The following TSNAXIP1 variants were observed in gnomAD, a reference collection of about 807,000 sequenced individuals.
TSNAXIP1 encodes translin-associated factor X-interacting protein 1.
TSNAXIP1 carries 89 observed loss-of-function variants against 84.8 expected under a neutral mutation model. The observed-to-expected ratio is 1.05, with a 90% CI of 0.88 to 1.25. The LOEUF (loss-of-function observed/expected upper bound fraction) is 1.25. Among genes scored for constraint, TSNAXIP1 ranks in the 50% most tolerant of loss-of-function variants. TSNAXIP1 has a pLI of 0.00. For missense variants in TSNAXIP1, 874 were observed against 887.6 expected (o/e 0.98, Z 0.20); for synonymous variants, 347 against 335.2 (o/e 1.04, Z -0.39).
At chr16:67,822,917 C>G (rs1053925580) in intron 4 of TSNAXIP1, among the ~76,000 whole-genome samples, 2 of 152,202 alleles carry the variant, frequency 1.3e-5, no homozygotes, top group African/African-American at 4.8e-5. Flanking sequence ...CACACCCCTA[C>G]TTGCATGTCA....
At position 67,807,098 on chromosome 16, in the gene TSNAXIP1, C is replaced by T; in HGVS notation, c.-52C>T. The T allele has an allele frequency of 2.0e-6, 3 of 1,531,614 alleles. No individual in the cohort carries two copies. Among genetic ancestry groups the T allele is most frequent in the East Asian group, 2.5e-5 (1 of 40,792 alleles). The allele number at this position is 1,531,614 out of a possible 1,614,324, so 94.9% of individuals were successfully genotyped here. A position where few individuals can be genotyped will look rare whatever the true frequency, so the allele number is the denominator to read the frequency against. On this transcript the variant is annotated 5_prime_UTR_variant, in exon 1 of 16. Transcript: ENST00000561639. ...GGTCGCCATGGCGACCGGCTGTACG[C>T]TACCACAGCTTCCCAGGCCGCGGGT... is the stretch of plus-strand genomic sequence containing the variant.
chr16:67,827,402 C>G, intron 14 of TSNAXIP1, 27 bp downstream of exon 14: 1 of 1,614,022 alleles, frequency 6.2e-7, no homozygotes, highest in Non-Finnish European at 8.5e-7. Context: ...CGGGGACTGG[C>G]CTGGCCCCTG....
At position 67,820,945 on chromosome 16, in the gene TSNAXIP1, G is replaced by A. The variant is rs199807267; in HGVS notation, c.254G>A (p.Arg85Gln). ...RKPCSDDYRK[R>Q]VGSCQQHPFR... The stretch of plus-strand genomic sequence containing the variant: ...CCCTGTTCAGATGACTACCGGAAGC[G>A]AGTAGGGTAAGCCAGGGTCAGTCCC... Residue 85 changes from arginine (R) to glutamine (Q), a missense_variant, in exon 3 of 16, where the codon CGA becomes CAA. By Grantham distance (43) the Arg-to-Gln change is conservative. Transcript: ENST00000561639. 76 of 1,599,164 alleles carry A rather than the reference G, an allele frequency of 4.8e-5. No homozygotes were observed. Among genetic ancestry groups the A allele is most frequent in the Admixed American group, 6.9e-5 (4 of 57,908 alleles).
chr16:67,807,375 C>G (rs1399343871), intron 1 of TSNAXIP1, 179 bp downstream of exon 1: 1 of 1,530,988 alleles, frequency 6.5e-7, no homozygotes, highest in Non-Finnish European at 8.7e-7. Context: ...ACGTTACGTG[C>G]TAGCAAAACG....
At chr16:67,808,595 G>A (rs552676087) in intron 1 of TSNAXIP1, among the ~76,000 whole-genome samples, 6 of 150,042 alleles carry the variant, frequency 4.0e-5, no homozygotes, top group African/African-American at 1.2e-4. Context: ...AAATTTAGCC[G>A]GGCATGGTGG....
At chr16:67,818,485 C>G (rs141771505) in intron 2 of TSNAXIP1, among the ~76,000 whole-genome samples, 1 of 152,070 alleles carries the variant, frequency 6.6e-6, no homozygotes, top group Non-Finnish European at 1.5e-5. Context: ...TCACTGCACT[C>G]CAGCCTGGGT....
rs2151280041 is a variant in TSNAXIP1, at chr16:67,827,907, G to A, written c.2053G>A (p.Val685Met). 1.2e-6 allele frequency: 2 copies of A among 1,614,064 alleles called. No individual in the cohort carries two copies. The highest frequency in any genetic ancestry group is 8.5e-7 in the Non-Finnish European group (1 of 1,180,034). Residue 685 changes from valine to methionine, a missense_variant, in exon 16 of 16, where the codon GTG (valine) becomes ATG (methionine). Coordinates refer to ENST00000561639, the MANE Select transcript of TSNAXIP1 (RefSeq NM_001288990.3). Reference sequence around the variant, plus strand: ...GGGTGACGAGAAGGAAGAAGCCGTGGTGGAAATCCTCCAGACTGCCCTGGA... The same window carrying A: ...GGGTGACGAGAAGGAAGAAGCCGTGATGGAAATCCTCCAGACTGCCCTGGA... ...EEGDEKEEAV[V>M]EILQTALERL...
At chr16:67,807,221 A>T in intron 1 of TSNAXIP1, 25 bp downstream of exon 1, 1 of 1,536,020 alleles carries the variant, frequency 6.5e-7, no homozygotes, top group Non-Finnish European at 8.7e-7. Context: ...GGATGAGGGC[A>T]GAGATGAGGG....
In TSNAXIP1 at chr16:67,826,134, C is replaced by T; in HGVS notation, c.1145-18C>T. On this transcript the variant is annotated intron_variant, in intron 9 of 15. Transcript: ENST00000561639. Reference sequence around the variant, plus strand: ...TTACATGTGGGCCCAGACTCCAGCTCCCTCTCCCCACATGCAGATGTGGTG... The same window carrying T: ...TTACATGTGGGCCCAGACTCCAGCTTCCTCTCCCCACATGCAGATGTGGTG... The T allele has an allele frequency of 6.2e-7, 1 of 1,613,196 alleles. No homozygotes were observed. Among genetic ancestry groups the T allele is most frequent in the Non-Finnish European group, 8.5e-7 (1 of 1,179,534 alleles).
chr16:67,825,659 C>T lies in TSNAXIP1; in HGVS notation c.815-8C>T, dbSNP rs1306338293. 2 of 1,604,784 alleles carry T rather than the reference C, an allele frequency of 1.2e-6. No individual in the cohort carries two copies. The highest frequency in any genetic ancestry group is 1.7e-6 in the Non-Finnish European group (2 of 1,173,806). ...TGACACGGGCTGGTGGGCCCCTTCCCCTGGCAGGCATCTGGGGGGAGGACC... is the reference window on the plus strand; with the variant it reads ...TGACACGGGCTGGTGGGCCCCTTCCTCTGGCAGGCATCTGGGGGGAGGACC... On this transcript the variant is annotated splice_polypyrimidine_tract_variant and splice_region_variant and intron_variant, in intron 7 of 15. Coordinates refer to ENST00000561639, the MANE Select transcript of TSNAXIP1 (RefSeq NM_001288990.3).
chr16:67,827,781 C>T lies in TSNAXIP1; in HGVS notation c.1927C>T (p.Arg643Ter), dbSNP rs757884857. ...TGAGGAAGTGACTCTGCCCAAGCTG[C>T]GAGGGGGCCTGATGACCATCGACCC... Reference protein sequence around the residue: ...LHEEVTLPKLRGGLMTIDPSL... With the variant: ...LHEEVTLPKL Residue 643 changes from arginine to a stop codon, truncating the protein, a stop_gained, in exon 16 of 16, where the codon CGA (arginine) becomes TGA (stop). Coordinates refer to ENST00000561639, the MANE Select transcript of TSNAXIP1 (RefSeq NM_001288990.3). LOFTEE classifies it low-confidence loss of function (END_TRUNC). 1.2e-5 allele frequency: 20 copies of T among 1,613,924 alleles called. 1 individual carries two copies. The highest frequency in any genetic ancestry group is 1.1e-4 in the East Asian group (5 of 44,882).
chr16:67,816,115 G>T (rs1365858993), intron 2 of TSNAXIP1, among the ~76,000 whole-genome samples: 3 of 151,544 alleles, frequency 2.0e-5, no homozygotes, highest in Non-Finnish European at 4.4e-5. Flanking sequence ...ACAGACGCCC[G>T]CCAACACACC....
At chr16:67,811,436 C>G (rs183806181) in intron 1 of TSNAXIP1, among the ~76,000 whole-genome samples, 2 of 101,980 alleles carry the variant, frequency 2.0e-5, no homozygotes, top group African/African-American at 4.4e-5. Context: ...ATTGATTAGT[C>G]TTTTTTTTTT....
chr16:67,812,313 A>T (rs2056155830), intron 1 of TSNAXIP1, among the ~76,000 whole-genome samples: 1 of 152,126 alleles, frequency 6.6e-6, no homozygotes, highest in Admixed American at 6.6e-5. Flanking sequence ...CATAATGAAC[A>T]TCTATGCAGT....
At chr16:67,819,143 C>A (rs917754910) in intron 2 of TSNAXIP1, among the ~76,000 whole-genome samples, 1 of 151,992 alleles carries the variant, frequency 6.6e-6, no homozygotes, top group Non-Finnish European at 1.5e-5. Context: ...GTACTGCACT[C>A]CAGCTTGGGC....
chr16:67,827,436 C>T, intron 14 of TSNAXIP1, 37 bp from the exon 15 acceptor site: 1 of 1,614,032 alleles, frequency 6.2e-7, no homozygotes, highest in East Asian at 2.2e-5. Context: ...TGGACCCTAC[C>T]CAATGTGCCC....
chr16:67,822,341 G>A (rs1290251348), intron 4 of TSNAXIP1, among the ~76,000 whole-genome samples: 1 of 151,166 alleles, frequency 6.6e-6, no homozygotes, highest in Non-Finnish European at 1.5e-5. Context: ...GGATCCAAAA[G>A]TCTCCTGAGG....
chr16:67,818,247 G>T (rs2056757391), intron 2 of TSNAXIP1, among the ~76,000 whole-genome samples: 1 of 151,810 alleles, frequency 6.6e-6, no homozygotes, highest in African/African-American at 2.4e-5. Flanking sequence ...AACAAGGCTG[G>T]CTCACACCTG....
intron 13 of TSNAXIP1, 87 bp downstream of exon 13, chr16:67,827,159 C>G (rs980110673): frequency 5.6e-6 from 9 of 1,605,730 alleles, no homozygotes; most frequent in Non-Finnish European, 7.7e-6. Flanking sequence ...GGAAGGGCCA[C>G]AGCCTCGGCA....
Sources: allele counts gnomAD v4.1 joint callset (sites outside exome capture counted in the v4.1 genomes callset), GRCh38; gene constraint gnomAD v4.1.1; transcripts MANE v1.5; gene names NCBI Gene and HGNC (gene_info 2026-07-23, HGNC 2026-07-21).